The following VAV3 variants were observed in gnomAD, a reference collection of about 807,000 sequenced individuals.
VAV3 encodes the protein vav guanine nucleotide exchange factor 3.
Under a neutral mutation model 131.2 loss-of-function variants are expected in VAV3, and 94 were observed. The ratio of observed to expected loss-of-function variants is 0.72; its 90% CI spans 0.61 to 0.85. The LOEUF (loss-of-function observed/expected upper bound fraction) is 0.85. VAV3 is among the 40% of genes least tolerant of loss of function. The pLI is 0.00. For synonymous variants in VAV3, 349 were observed against 342.0 expected (o/e 1.02, Z -0.22); for missense variants, 939 against 1,002.7 (o/e 0.94, Z 0.86).
At chr1:107,817,175 C>T (rs1667595941) in intron 2 of VAV3, among the ~76,000 whole-genome samples, 3 of 152,230 alleles carry the variant, frequency 2.0e-5, no homozygotes, top group Middle Eastern at 3.4e-3. Flanking sequence ...AGTAGGCAGA[C>T]AAAAAATTCT....
chr1:107,897,520 C>T (rs899027971), intron 1 of VAV3, among the ~76,000 whole-genome samples: 2 of 151,820 alleles, frequency 1.3e-5, no homozygotes, highest in African/African-American at 2.4e-5. Context: ...GGAAGTGAGG[C>T]AGGAAAGGAG....
At chr1:107,918,098 A>T (rs1335290242) in intron 1 of VAV3, among the ~76,000 whole-genome samples, 1 of 152,220 alleles carries the variant, frequency 6.6e-6, no homozygotes, top group Non-Finnish European at 1.5e-5. Flanking sequence ...GCTCTCCAAT[A>T]GCTTTCAGAC....
At chr1:107,943,990 T>TA (rs1376868618) in intron 1 of VAV3, among the ~76,000 whole-genome samples, 1 of 152,236 alleles carries the variant, frequency 6.6e-6, no homozygotes, top group African/African-American at 2.4e-5. Flanking sequence ...TGCTAAGGCC[T>TA]AAACACCCAT....
intron 2 of VAV3, among the ~76,000 whole-genome samples, chr1:107,825,076 C>T (rs1402613549): frequency 6.6e-6 from 1 of 152,178 alleles, no homozygotes. Flanking sequence ...CATGCTCACT[C>T]ACTTATGTGC....
At chr1:107,615,700 C>T (rs1187137618) in intron 21 of VAV3, among the ~76,000 whole-genome samples, 1 of 152,082 alleles carries the variant, frequency 6.6e-6, no homozygotes, top group African/African-American at 2.4e-5. Context: ...AACTATGCAT[C>T]TGACAAAGGT....
At chr1:107,758,382 C>T (rs1455562540) in intron 10 of VAV3, among the ~76,000 whole-genome samples, 4 of 151,950 alleles carry the variant, frequency 2.6e-5, no homozygotes, top group African/African-American at 9.7e-5. Flanking sequence ...TCAGCCTGGG[C>T]AACATGACAA....
intron 1 of VAV3, among the ~76,000 whole-genome samples, chr1:107,925,620 A>G (rs1229605723): frequency 6.6e-6 from 1 of 152,152 alleles, no homozygotes; most frequent in Non-Finnish European, 1.5e-5. Context: ...TGAGGTATCT[A>G]GTGTAGTCAA....
chr1:107,637,570 C>T (rs895545775), intron 20 of VAV3, among the ~76,000 whole-genome samples: 3 of 152,072 alleles, frequency 2.0e-5, no homozygotes, highest in Non-Finnish European at 4.4e-5. Context: ...CTGCAATGAG[C>T]CGTGATCCCG....
chr1:107,948,852 TAAAC>T (rs771640526), intron 1 of VAV3, among the ~76,000 whole-genome samples: 8 of 151,462 alleles, frequency 5.3e-5, no homozygotes, highest in African/African-American at 9.7e-5. Flanking sequence ...AAAAAAAAAA[TAAAC>T]AAACAAACAA....
chr1:107,802,907 G>C (rs1394988595), intron 2 of VAV3, among the ~76,000 whole-genome samples: 1 of 148,298 alleles, frequency 6.7e-6, no homozygotes, highest in Admixed American at 6.8e-5. Flanking sequence ...TGAAGAGTTA[G>C]AGTTGAATTG....
intron 19 of VAV3, among the ~76,000 whole-genome samples, chr1:107,650,299 T>G (rs1185781090): frequency 1.3e-5 from 2 of 152,050 alleles, no homozygotes; most frequent in Non-Finnish European, 2.9e-5. Flanking sequence ...AAGTTCTCAT[T>G]AACATACTTT....
chr1:107,809,449 T>C (rs1667215350), intron 2 of VAV3, among the ~76,000 whole-genome samples: 1 of 152,360 alleles, frequency 6.6e-6, no homozygotes, highest in Non-Finnish European at 1.5e-5. Flanking sequence ...ACAGGCATCA[T>C]CTGGATTCTG....
chr1:107,593,910 G>A (rs1361083152), intron 25 of VAV3, among the ~76,000 whole-genome samples: 2 of 152,104 alleles, frequency 1.3e-5, no homozygotes, highest in African/African-American at 4.8e-5. Flanking sequence ...AAGTTGTAGA[G>A]TCAGCAGTAA....
In VAV3 at chr1:107,946,833, G is replaced by A. The variant is rs549995639; in HGVS notation, c.204+17833C>T. On this transcript the variant is annotated intron_variant, in intron 1 of 26. Coordinates refer to ENST00000370056, the MANE Select transcript of VAV3 (RefSeq NM_006113.5). Reference sequence around the variant, plus strand: ...TTACTGGATCCCTCAACTACCCAAGGGAAATAGACATTAATAACACCAACC... The same window carrying A: ...TTACTGGATCCCTCAACTACCCAAGAGAAATAGACATTAATAACACCAACC... Among the ~76,000 whole-genome samples the A allele has an allele frequency of 2.0e-3, 312 of 152,228 alleles. 1 individual carries two copies. Among genetic ancestry groups the A allele is most frequent in the Admixed American group, 6.0e-3 (91 of 15,294 alleles).
intron 2 of VAV3, among the ~76,000 whole-genome samples, chr1:107,852,648 T>C (rs1040797368): frequency 6.6e-6 from 1 of 152,224 alleles, no homozygotes; most frequent in Non-Finnish European, 1.5e-5. Flanking sequence ...CTTTCTTCTA[T>C]TGAATGGTTG....
chr1:107,781,727 C>T (rs990164469), intron 2 of VAV3, among the ~76,000 whole-genome samples: 1 of 152,108 alleles, frequency 6.6e-6, no homozygotes, highest in Non-Finnish European at 1.5e-5. Flanking sequence ...ACAATTGAAA[C>T]CCTTCATGCA....
chr1:107,587,822 C>T (rs1021611386), intron 25 of VAV3, among the ~76,000 whole-genome samples: 1 of 152,152 alleles, frequency 6.6e-6, no homozygotes, highest in South Asian at 2.1e-4. Context: ...AAACTCCTAA[C>T]CTCAAATGAT....
chr1:107,711,730 G>A lies in VAV3; in HGVS notation c.1503-6669C>T, dbSNP rs187979486. 4.5e-4 allele frequency among the ~76,000 whole-genome samples: 69 copies of A among 152,038 alleles called. No individual in the cohort carries two copies. The East Asian group carries it at 0.013, about 29-fold the overall frequency. On this transcript the variant is annotated intron_variant, in intron 15 of 26. Coordinates refer to ENST00000370056, the MANE Select transcript of VAV3 (RefSeq NM_006113.5). ...AGTAGTCTTTTTTTTTTGAAACAGAGTCTTGCTCTGTCGCCCAGGCTGGAG... is the reference window on the plus strand; with the variant it reads ...AGTAGTCTTTTTTTTTTGAAACAGAATCTTGCTCTGTCGCCCAGGCTGGAG...
At chr1:107,821,567 A>G (rs1283093210) in intron 2 of VAV3, among the ~76,000 whole-genome samples, 1 of 152,196 alleles carries the variant, frequency 6.6e-6, no homozygotes, top group Non-Finnish European at 1.5e-5. Context: ...CAGAGGTGGG[A>G]GAAAGTGTGT....
Sources: gnomAD v4.1 joint callset for allele counts (sites outside exome capture counted in the v4.1 genomes callset) on GRCh38, gnomAD v4.1.1 for gene constraint, MANE v1.5 for transcripts, NCBI Gene and HGNC (gene_info 2026-07-23, HGNC 2026-07-21) for gene names.